Variants in KHDRBS2 observed in about 807,000 individuals in gnomAD.
KHDRBS2 encodes the protein KH domain-containing, RNA-binding, signal transduction-associated protein 2.
A neutral mutation model predicts 44.3 loss-of-function variants in KHDRBS2; 26 were observed. That is an observed-to-expected ratio of 0.59 (90% confidence interval 0.43 to 0.81). The LOEUF (loss-of-function observed/expected upper bound fraction) is 0.81, where lower values mean the gene tolerates loss of function less well. Ranked by LOEUF, KHDRBS2 falls within the 40% of genes least tolerant of loss-of-function variation. The pLI, the probability that KHDRBS2 is intolerant of heterozygous loss-of-function variation, is 0.00. For synonymous variants in KHDRBS2, 194 were observed against 151.1 expected (o/e 1.28, Z -2.08); for missense variants, 476 against 433.1 (o/e 1.10, Z -0.88).
chr6:62,196,357 C>A (rs1409284675), intron 1 of KHDRBS2, among the ~76,000 whole-genome samples: 2 of 152,102 alleles, frequency 1.3e-5, no homozygotes, highest in East Asian at 3.9e-4. Flanking sequence ...AGTATACTTC[C>A]AATTAGGCAA....
At chr6:61,727,403 T>G (rs1279324401) in intron 7 of KHDRBS2, among the ~76,000 whole-genome samples, 1 of 152,146 alleles carries the variant, frequency 6.6e-6, no homozygotes, top group East Asian at 1.9e-4. Context: ...CCAAAAGCAA[T>G]TGCAACAATG....
the KHDRBS2 span, among the ~76,000 whole-genome samples, chr6:61,663,802 G>C: frequency 6.6e-6 from 1 of 151,348 alleles, no homozygotes; most frequent in Non-Finnish European, 1.5e-5. Context: ...TAAACTTTAA[G>C]ATGTCACTTG....
At chr6:61,795,144 C>G (rs1255805860) in intron 6 of KHDRBS2, among the ~76,000 whole-genome samples, 5 of 59,660 alleles carry the variant, frequency 8.4e-5, no homozygotes, top group Non-Finnish European at 1.3e-4. Flanking sequence ...GACTCCGTCT[C>G]AAAAAAAAAA....
chr6:62,125,058 T>G (rs1157391101), intron 2 of KHDRBS2, among the ~76,000 whole-genome samples: 2 of 152,190 alleles, frequency 1.3e-5, no homozygotes, highest in Non-Finnish European at 2.9e-5. Context: ...GTTCATGTCC[T>G]TTACGCACTT....
Position 61,680,935 on chromosome 6 carries a change from G to T in KHDRBS2, c.*28C>A. The T allele has an allele frequency of 7.1e-7, 1 of 1,411,306 alleles. No individual in the cohort carries two copies. Among genetic ancestry groups the T allele is most frequent in the Non-Finnish European group, 1.0e-6 (1 of 1,000,558 alleles). 87.4% of individuals were successfully genotyped at this position (1,411,306 alleles called of 1,614,324 possible). ...AGACCACAGGCTATGAATTGTCTTT[G>T]AGGTGAGGTCACAGGTGGGAAGGAC... is the stretch of plus-strand genomic sequence containing the variant. On this transcript the variant is annotated 3_prime_UTR_variant, in exon 9 of 9. Transcript: ENST00000281156.
the KHDRBS2 span, among the ~76,000 whole-genome samples, chr6:61,665,728 G>T: frequency 6.6e-6 from 1 of 150,860 alleles, no homozygotes; most frequent in East Asian, 2.0e-4. Flanking sequence ...TTACAAAACT[G>T]ATGTTCTGTG....
chr6:61,973,969 T>G (rs891671315), intron 4 of KHDRBS2, among the ~76,000 whole-genome samples: 1 of 152,176 alleles, frequency 6.6e-6, no homozygotes, highest in Non-Finnish European at 1.5e-5. Context: ...CTAATCAAAT[T>G]ATCTGTGCAA....
intron 2 of KHDRBS2, among the ~76,000 whole-genome samples, chr6:62,165,403 ATTAT>A (rs1169036979): frequency 6.6e-6 from 1 of 150,686 alleles, no homozygotes; most frequent in Admixed American, 6.6e-5. Context: ...TTTTCAATAA[ATTAT>A]TTATTCATAT....
intron 8 of KHDRBS2, among the ~76,000 whole-genome samples, chr6:61,684,093 T>C (rs1017037888): frequency 6.6e-6 from 1 of 151,980 alleles, no homozygotes; most frequent in African/African-American, 2.4e-5. Context: ...AGAATGTTTA[T>C]GTATAGTTAC....
At chr6:61,950,904 G>A (rs1161123181) in intron 4 of KHDRBS2, among the ~76,000 whole-genome samples, 1 of 151,888 alleles carries the variant, frequency 6.6e-6, no homozygotes, top group Non-Finnish European at 1.5e-5. Flanking sequence ...TTCATAATTA[G>A]GAAATGTATG....
chr6:61,828,561 A>G (rs1791296780), intron 6 of KHDRBS2, among the ~76,000 whole-genome samples: 1 of 152,214 alleles, frequency 6.6e-6, no homozygotes, highest in South Asian at 2.1e-4. Context: ...TGAGTAAGTC[A>G]TTAAAAGATA....
chr6:61,952,094 T>C (rs1198379493), intron 4 of KHDRBS2, among the ~76,000 whole-genome samples: 7 of 152,072 alleles, frequency 4.6e-5, no homozygotes, highest in African/African-American at 1.2e-4. Flanking sequence ...ATTTGTAAGA[T>C]TGCATAAATA....
chr6:61,929,853 T>C (rs1809683995), intron 4 of KHDRBS2, among the ~76,000 whole-genome samples: 1 of 152,186 alleles, frequency 6.6e-6, no homozygotes, highest in Non-Finnish European at 1.5e-5. Flanking sequence ...AAACGTGTCA[T>C]CTCTGGGTTG....
chr6:62,253,841 C>T (rs1335511259), intron 1 of KHDRBS2, among the ~76,000 whole-genome samples: 1 of 151,830 alleles, frequency 6.6e-6, no homozygotes, highest in Non-Finnish European at 1.5e-5. Context: ...ATTATTATTG[C>T]AAAATCATAA....
At chr6:61,894,171 ATCTTTAATATGGTGAAAGAAAGAG>A (rs1276387793) in intron 6 of KHDRBS2, among the ~76,000 whole-genome samples, 1 of 152,100 alleles carries the variant, frequency 6.6e-6, no homozygotes, top group African/African-American at 2.4e-5. Flanking sequence ...GCCAATCCAC[ATCTTTAATATGGTGAAAGAAAGAG>A]TCAGGATATA....
chr6:62,030,215 C>G (rs193177969), intron 3 of KHDRBS2, among the ~76,000 whole-genome samples: 42 of 152,114 alleles, frequency 2.8e-4, no homozygotes, highest in African/African-American at 8.9e-4. Context: ...AGTAATAAGA[C>G]AAGAATCTTG....
At chr6:61,575,995 G>A in the KHDRBS2 span, among the ~76,000 whole-genome samples, 2 of 152,004 alleles carry the variant, frequency 1.3e-5, no homozygotes, top group East Asian at 3.9e-4. Context: ...CTACACATTA[G>A]GTACCGTGTA....
At chr6:61,684,745 C>T (rs1025281755) in intron 8 of KHDRBS2, among the ~76,000 whole-genome samples, 5 of 151,598 alleles carry the variant, frequency 3.3e-5, no homozygotes, top group South Asian at 4.1e-4. Flanking sequence ...AATAACTATA[C>T]GCCAAATTGA....
the KHDRBS2 span, among the ~76,000 whole-genome samples, chr6:61,614,595 G>A: frequency 1.3e-5 from 2 of 151,952 alleles, no homozygotes; most frequent in African/African-American, 4.8e-5. Flanking sequence ...TGACATTCTG[G>A]TCTACATCCA....
Sources: allele counts gnomAD v4.1 joint callset (sites outside exome capture counted in the v4.1 genomes callset), GRCh38; gene constraint gnomAD v4.1.1; transcripts MANE v1.5; gene names NCBI Gene and HGNC (gene_info 2026-07-23, HGNC 2026-07-21).